Variants in ARHGAP28 observed in about 807,000 individuals in gnomAD.
The protein encoded by ARHGAP28 is rho GTPase-activating protein 28.
ARHGAP28 carries 56 observed loss-of-function variants against 90.7 expected under a neutral mutation model. The ratio of observed to expected loss-of-function variants is 0.62; its 90% CI spans 0.50 to 0.77. ARHGAP28 has a LOEUF of 0.77. ARHGAP28 is among the 30% of genes least tolerant of loss of function. The probability of loss-of-function intolerance (pLI) is 0.00; values close to 1 mark genes in which losing one functional copy is unlikely to be tolerated. For missense variants in ARHGAP28, 869 were observed against 900.9 expected (o/e 0.96, Z 0.45); for synonymous variants, 308 against 323.3 (o/e 0.95, Z 0.51).
chr18:6,806,042 G>T (rs2056516784), intron 1 of ARHGAP28, among the ~76,000 whole-genome samples: 1 of 151,716 alleles, frequency 6.6e-6, no homozygotes, highest in African/African-American at 2.4e-5. Flanking sequence ...ACGCCACCAG[G>T]ACTGGCTAAT....
intron 17 of ARHGAP28, 92 bp from the exon 18 acceptor site, chr18:6,911,968 T>C (rs1166809687): frequency 1.4e-5 from 10 of 730,292 alleles, no homozygotes; most frequent in Admixed American, 6.3e-5. Context: ...TTAACCTTAT[T>C]TGAACCTCAC....
intron 2 of ARHGAP28, among the ~76,000 whole-genome samples, chr18:6,828,035 C>T (rs560062812): frequency 2.6e-5 from 4 of 152,146 alleles, no homozygotes; most frequent in Admixed American, 6.5e-5. Flanking sequence ...GCCGAGATCA[C>T]GCCACTGCAC....
chr18:6,797,791 A>G (rs1359798365), intron 1 of ARHGAP28, among the ~76,000 whole-genome samples: 3 of 151,952 alleles, frequency 2.0e-5, no homozygotes, highest in Non-Finnish European at 4.4e-5. Context: ...CCTCCTGAAT[A>G]GCTGTGGTTA....
intron 7 of ARHGAP28, among the ~76,000 whole-genome samples, chr18:6,873,178 A>G (rs2057103348): frequency 6.6e-6 from 1 of 152,198 alleles, no homozygotes; most frequent in Non-Finnish European, 1.5e-5. Context: ...TTGCAATGGC[A>G]ATGTTATCAT....
intron 1 of ARHGAP28, among the ~76,000 whole-genome samples, chr18:6,749,576 T>C (rs1344673059): frequency 6.6e-6 from 1 of 152,208 alleles, no homozygotes; most frequent in Admixed American, 6.5e-5. Flanking sequence ...CTCATCATGC[T>C]TTTTCACATT....
chr18:6,821,531 G>A lies in ARHGAP28; in HGVS notation c.123-3231G>A, dbSNP rs1334355027. On this transcript the variant is annotated intron_variant, in intron 1 of 17. Transcript: ENST00000383472. Reference sequence around the variant, plus strand: ...GGATGGGCCTGAGGGTCAAAATTACGTAATGTTTCAAGAGTGGAAATTCAT... The same window carrying A: ...GGATGGGCCTGAGGGTCAAAATTACATAATGTTTCAAGAGTGGAAATTCAT... Among the ~76,000 whole-genome samples, 7 of 152,302 alleles carry A rather than the reference G, an allele frequency of 4.6e-5. 1 individual carries two copies. Among genetic ancestry groups the A allele is most frequent in the East Asian group, 1.9e-4 (1 of 5,186 alleles).
Position 6,912,881 on chromosome 18 carries a change from G to T in ARHGAP28, c.*727G>T, listed in dbSNP as rs2057406269. 6.6e-6 allele frequency: 1 copy of T among 152,122 alleles called. No individual in the cohort carries two copies. The highest frequency in any genetic ancestry group is 1.5e-5 in the Non-Finnish European group (1 of 68,016). The allele number at this position is 152,122 out of a possible 1,614,324, so 9.4% of individuals were successfully genotyped here. A position where few individuals can be genotyped will look rare whatever the true frequency, so the allele number is the denominator to read the frequency against. On this transcript the variant is annotated 3_prime_UTR_variant, in exon 18 of 18. Coordinates refer to ENST00000383472, the MANE Select transcript of ARHGAP28 (RefSeq NM_001366230.1). ...CCTAGTGAAGCTTAGTTTGACAAAG[G>T]GTGTCATATGCTTTCCTAACCTGAT...
intron 1 of ARHGAP28, among the ~76,000 whole-genome samples, chr18:6,802,680 T>A (rs1379826804): frequency 1.3e-5 from 2 of 152,280 alleles, no homozygotes; most frequent in East Asian, 3.9e-4. Context: ...GAGGAACTTC[T>A]ATACACTTTT....
chr18:6,868,647 C>T lies in ARHGAP28; in HGVS notation c.811+413C>T, dbSNP rs147140954. On this transcript the variant is annotated intron_variant, in intron 6 of 17. Coordinates refer to ENST00000383472, the MANE Select transcript of ARHGAP28 (RefSeq NM_001366230.1). ...AGGCTGCTGGGGAGGCTTTTATCTG[C>T]GCCTCTTCCGCTTGAGAGGTGGGCT... Among the ~76,000 whole-genome samples the T allele has an allele frequency of 3.9e-4, 60 of 152,092 alleles. No individual in the cohort carries two copies. In the East Asian group the frequency reaches 0.011, roughly 28 times the overall value.
At chr18:6,788,773 C>G (rs151196387) in intron 1 of ARHGAP28, 1 of 152,222 alleles carries the variant, frequency 6.6e-6, no homozygotes, top group African/African-American at 2.4e-5. Flanking sequence ...CCAGGCATTT[C>G]TTTATAGCAA....
chr18:6,893,149 T>C (rs777062621), intron 14 of ARHGAP28, among the ~76,000 whole-genome samples: 4 of 152,186 alleles, frequency 2.6e-5, no homozygotes, highest in Non-Finnish European at 5.9e-5. Context: ...GTTTTTGACA[T>C]TACACCCCTC....
At chr18:6,817,028 T>A (rs1240865713) in intron 1 of ARHGAP28, among the ~76,000 whole-genome samples, 1 of 151,194 alleles carries the variant, frequency 6.6e-6, no homozygotes, top group Non-Finnish European at 1.5e-5. Flanking sequence ...AGATTGAGGC[T>A]GCAAGTAGCT....
chr18:6,836,989 A>G (rs1401967610), intron 2 of ARHGAP28, among the ~76,000 whole-genome samples: 1 of 152,190 alleles, frequency 6.6e-6, no homozygotes, highest in African/African-American at 2.4e-5. Flanking sequence ...AAGTCTGCCA[A>G]TTACCTTACT....
intron 1 of ARHGAP28, among the ~76,000 whole-genome samples, chr18:6,753,196 G>T (rs9956691): frequency 0.04 from 6,105 of 152,178 alleles, 410 homozygotes; most frequent in African/African-American, 0.14. Flanking sequence ...TAAGGGAAGA[G>T]TTGTTGAAAG....
At chr18:6,745,804 T>C (rs1329589527) in intron 1 of ARHGAP28, among the ~76,000 whole-genome samples, 2 of 152,216 alleles carry the variant, frequency 1.3e-5, no homozygotes, top group Non-Finnish European at 2.9e-5. Context: ...GTGCCAATAA[T>C]GTGTACAGAC....
chr18:6,808,142 T>C (rs1330888526), intron 1 of ARHGAP28, among the ~76,000 whole-genome samples: 1 of 152,244 alleles, frequency 6.6e-6, no homozygotes, highest in Non-Finnish European at 1.5e-5. Context: ...GATATCCTCC[T>C]ATTGGTCACA....
intron 2 of ARHGAP28, among the ~76,000 whole-genome samples, chr18:6,828,206 T>G (rs1043001148): frequency 2.6e-5 from 4 of 152,092 alleles, no homozygotes; most frequent in Non-Finnish European, 5.9e-5. Context: ...CGAAAACCAG[T>G]CAGGCGTGGC....
intron 11 of ARHGAP28, among the ~76,000 whole-genome samples, chr18:6,886,166 A>C (rs1020149003): frequency 1.3e-5 from 2 of 152,154 alleles, no homozygotes; most frequent in Admixed American, 6.5e-5. Flanking sequence ...ACTGCTATAC[A>C]GCTCAGTTAA....
At chr18:6,891,342 T>C (rs2511040) in intron 14 of ARHGAP28, among the ~76,000 whole-genome samples, 1 of 151,958 alleles carries the variant, frequency 6.6e-6, no homozygotes, top group Admixed American at 6.6e-5. Context: ...GACAGAGTCT[T>C]ACTCCTCTGC....
Sources: gnomAD v4.1 joint callset for allele counts (sites outside exome capture counted in the v4.1 genomes callset) on GRCh38, gnomAD v4.1.1 for gene constraint, MANE v1.5 for transcripts, NCBI Gene and HGNC (gene_info 2026-07-23, HGNC 2026-07-21) for gene names.